KMT2C: variants seen among roughly 807,000 people sequenced by gnomAD.
KMT2C encodes the protein histone-lysine N-methyltransferase 2C.
In KMT2C, 88 loss-of-function variants were observed where a neutral mutation model predicts 507.9. That is an observed-to-expected ratio of 0.17 (90% CI 0.15 to 0.21). KMT2C has a LOEUF of 0.21. Ranked by LOEUF, KMT2C falls within the 10% of genes least tolerant of loss-of-function variation. KMT2C has a pLI of 1.00. For synonymous variants in KMT2C, 2,049 were observed against 2,080.8 expected, an observed-to-expected ratio of 0.98 and a Z score of 0.42; for missense variants, 4,954 against 5,957.8, an observed-to-expected ratio of 0.83 and a Z score of 5.55.
intron 1 of KMT2C, among the ~76,000 whole-genome samples, chr7:152,393,675 A>G (rs2097518384): frequency 6.6e-6 from 1 of 152,164 alleles, no homozygotes; most frequent in Admixed American, 6.5e-5. Context: ...ACACTTTGGG[A>G]GGCTGAAGCA....
chr7:152,345,865 CA>C (rs967467970), intron 2 of KMT2C, among the ~76,000 whole-genome samples: 3 of 151,684 alleles, frequency 2.0e-5, no homozygotes, highest in East Asian at 1.9e-4. Flanking sequence ...ATATTGTCTA[CA>C]AAAAAACCCC....
chr7:152,400,711 C>A (rs928995073), intron 1 of KMT2C, among the ~76,000 whole-genome samples: 2 of 152,188 alleles, frequency 1.3e-5, no homozygotes, highest in Admixed American at 1.3e-4. Flanking sequence ...TCTTTCTTAG[C>A]TATTTATGTG....
intron 6 of KMT2C, among the ~76,000 whole-genome samples, chr7:152,293,945 C>A (rs1322993434): frequency 1.3e-5 from 2 of 151,810 alleles, no homozygotes; most frequent in African/African-American, 4.8e-5. Context: ...GCAACCTCTG[C>A]ATCCTGGGCT....
intron 2 of KMT2C, among the ~76,000 whole-genome samples, chr7:152,357,394 G>A (rs1297055107): frequency 6.6e-6 from 1 of 152,024 alleles, no homozygotes; most frequent in South Asian, 2.1e-4. Flanking sequence ...TGTGGTGGCG[G>A]GCGCCTGTAG....
rs557058460 is a variant in KMT2C, at chr7:152,261,471, T to A, written c.1299+1545A>T. Among the ~76,000 whole-genome samples the A allele has an allele frequency of 6.4e-4, 98 of 152,280 alleles. 1 individual carries two copies. Among genetic ancestry groups the A allele is most frequent in the African/African-American group, 2.1e-3 (88 of 41,564 alleles). ...AAATGAAATTAATAAACACAAATGCTACACCTTTAAAAAGTCACTACAAGT... is the reference window on the plus strand; with the variant it reads ...AAATGAAATTAATAAACACAAATGCAACACCTTTAAAAAGTCACTACAAGT... On this transcript the variant is annotated intron_variant, in intron 9 of 58. Coordinates refer to ENST00000262189, the MANE Select transcript of KMT2C (RefSeq NM_170606.3).
intron 6 of KMT2C, among the ~76,000 whole-genome samples, chr7:152,294,004 G>A (rs1050001687): frequency 6.7e-6 from 1 of 149,444 alleles, no homozygotes; most frequent in African/African-American, 2.5e-5. Context: ...GACTACAGGT[G>A]TGCACCACCA....
chr7:152,350,364 C>T (rs992154506), intron 2 of KMT2C, among the ~76,000 whole-genome samples: 11 of 152,150 alleles, frequency 7.2e-5, no homozygotes, highest in Admixed American at 5.2e-4. Context: ...TATGTAATTA[C>T]AGTCCTCTCA....
intron 2 of KMT2C, among the ~76,000 whole-genome samples, chr7:152,337,215 G>A (rs1446314965): frequency 1.3e-5 from 2 of 152,036 alleles, no homozygotes; most frequent in South Asian, 2.1e-4. Flanking sequence ...GGTTGCAGCT[G>A]CACCAAGATC....
At position 152,156,694 on chromosome 7, in the gene KMT2C, T is replaced by C. The variant is rs114308820; in HGVS notation, c.11671-348A>G. 8.1e-3 allele frequency among the ~76,000 whole-genome samples: 1,227 copies of C among 152,298 alleles called. 22 individuals are homozygous for C. The highest frequency in any genetic ancestry group is 0.028 in the African/African-American group (1,184 of 41,552). On this transcript the variant is annotated intron_variant, in intron 44 of 58. Coordinates refer to ENST00000262189, the MANE Select transcript of KMT2C (RefSeq NM_170606.3). Reference sequence around the variant, plus strand: ...ATAACTTTAAAATGCAATCAAGAAATTGCAAAATATTATCAAAATATCCTT... The same window carrying C: ...ATAACTTTAAAATGCAATCAAGAAACTGCAAAATATTATCAAAATATCCTT...
Position 152,151,433 on chromosome 7 carries a change from G to C in KMT2C, c.12666+9C>G. 1 of 1,613,608 alleles carries C rather than the reference G, an allele frequency of 6.2e-7. No homozygotes were observed. Among genetic ancestry groups the C allele is most frequent in the Non-Finnish European group, 8.5e-7 (1 of 1,179,732 alleles). Reference sequence around the variant, plus strand: ...AGGAGGTGGGGTCATAAAAGGAGTAGCAAAGTACCTTGTTCAAAAGGGTCA... The same window carrying C: ...AGGAGGTGGGGTCATAAAAGGAGTACCAAAGTACCTTGTTCAAAAGGGTCA... On this transcript the variant is annotated intron_variant, in intron 50 of 58. Transcript: ENST00000262189.
chr7:152,148,822 C>T lies in KMT2C; in HGVS notation c.13105G>A (p.Gly4369Arg), dbSNP rs755732520. The T allele has an allele frequency of 2.2e-5, 35 of 1,614,074 alleles. No individual in the cohort carries two copies. The highest frequency in any genetic ancestry group is 2.9e-5 in the Non-Finnish European group (34 of 1,180,046). The change falls in exon 52 of 59, where the codon GGG becomes AGG. Residue 4369 changes from glycine (G) to arginine (R), a missense_variant. Around this residue, in one of 29 missense-constraint regions of KMT2C, gnomAD observed 417 missense variants for 461.1 expected, o/e 0.90. Coordinates refer to ENST00000262189, the MANE Select transcript of KMT2C (RefSeq NM_170606.3). The surrounding 1 kb of genome is among the most constrained non-coding windows in gnomAD (Gnocchi z 7.1). ...KWSIHIVIPK[G>R]TFKPPCEDEI... is the part of the protein sequence containing the mutation. ...TCCTCACAAGGTGGTTTAAATGTCC[C>T]CTTAGGGATTACAATATGAATGCTC... is the stretch of plus-strand genomic sequence containing the variant.
At chr7:152,189,236 T>A (rs1372187924) in intron 31 of KMT2C, among the ~76,000 whole-genome samples, 2 of 152,222 alleles carry the variant, frequency 1.3e-5, no homozygotes, top group African/African-American at 4.8e-5. Flanking sequence ...CTAAGCCAAC[T>A]GTCCATATTG....
chr7:152,424,409 T>C (rs1248311564), intron 1 of KMT2C, among the ~76,000 whole-genome samples: 3 of 152,148 alleles, frequency 2.0e-5, no homozygotes, highest in Admixed American at 2.0e-4. Flanking sequence ...AGGTGGTTCC[T>C]CTGTTAATCT....
At chr7:152,297,047 AAGAAAGACAGAGAGAGAGAGAGAGAG>A (rs1369580804) in intron 6 of KMT2C, among the ~76,000 whole-genome samples, 1 of 68,930 alleles carries the variant, frequency 1.5e-5, no homozygotes, top group African/African-American at 5.7e-5. Flanking sequence ...GAAAGAAAGA[AAGAAAGACAGAGAGAGAGAGAGAGAG>A]AGAGAGAGAG....
intron 10 of KMT2C, 70 bp from the exon 11 acceptor site, chr7:152,252,160 T>C: frequency 1.8e-6 from 2 of 1,132,504 alleles, no homozygotes; most frequent in Non-Finnish European, 2.5e-6. Flanking sequence ...GAGAAGGCAT[T>C]GCTGAAAAGC....
In KMT2C at chr7:152,135,000, C is replaced by T. The variant is rs934378949; in HGVS notation, c.*1832G>A. 1 of 227,904 alleles carries T rather than the reference C, an allele frequency of 4.4e-6. No homozygotes were observed. Among genetic ancestry groups the T allele is most frequent in the Non-Finnish European group, 8.7e-6 (1 of 114,442 alleles). 14.1% of individuals were successfully genotyped at this position (227,904 alleles called of 1,614,324 possible). A position where few individuals can be genotyped will look rare whatever the true frequency, so the allele number is the denominator to read the frequency against. On this transcript the variant is annotated 3_prime_UTR_variant, in exon 59 of 59. Coordinates refer to ENST00000262189, the MANE Select transcript of KMT2C (RefSeq NM_170606.3). ...TCCACAAATTCCAAAACCCATAACA[C>T]TCTGTATACTTCAAAAAATTCAATT...
chr7:152,370,857 C>G (rs1007216704), intron 1 of KMT2C, among the ~76,000 whole-genome samples: 1 of 152,210 alleles, frequency 6.6e-6, no homozygotes, highest in Non-Finnish European at 1.5e-5. Flanking sequence ...ATACAGTCTA[C>G]ATCTGCTTTC....
chr7:152,192,444 A>C (rs1038455289), intron 31 of KMT2C, among the ~76,000 whole-genome samples: 10 of 152,076 alleles, frequency 6.6e-5, no homozygotes, highest in African/African-American at 2.4e-4. Context: ...CGGGAGGCTA[A>C]GCCAGAAGAA....
intron 1 of KMT2C, among the ~76,000 whole-genome samples, chr7:152,394,429 C>T (rs1168522206): frequency 6.6e-6 from 1 of 152,302 alleles, no homozygotes; most frequent in South Asian, 2.1e-4. Context: ...ATGCTAAGCA[C>T]ATTCCTGCCT....
Sources: allele counts gnomAD v4.1 joint callset (sites outside exome capture counted in the v4.1 genomes callset), GRCh38; gene constraint gnomAD v4.1.1; regional missense constraint gnomAD v4.1.1; non-coding constraint Gnocchi (gnomAD v3.1); transcripts MANE v1.5; gene names NCBI Gene and HGNC (gene_info 2026-07-23, HGNC 2026-07-21).